The following CAMKMT variants were observed in gnomAD, a reference collection of about 807,000 sequenced individuals.
CAMKMT encodes the protein CaM KMT.
CAMKMT carries 53 observed loss-of-function variants against 48.0 expected under a neutral mutation model. That is an observed-to-expected ratio of 1.10 (90% CI 0.89 to 1.39). The LOEUF is 1.39. Among genes scored for constraint, CAMKMT ranks in the 40% most tolerant of loss-of-function variants. The pLI, the probability that CAMKMT is intolerant of heterozygous loss-of-function variation, is 0.00. For synonymous variants in CAMKMT, 165 were observed against 152.3 expected, an observed-to-expected ratio of 1.08 and a Z score of -0.61; for missense variants, 428 against 402.7, an observed-to-expected ratio of 1.06 and a Z score of -0.54.
At chr2:44,632,474 A>T (rs1672890990) in intron 3 of CAMKMT, among the ~76,000 whole-genome samples, 2 of 152,196 alleles carry the variant, frequency 1.3e-5, no homozygotes, top group African/African-American at 4.8e-5. Flanking sequence ...ATAGATAGTA[A>T]AGTTGTGACA....
chr2:44,753,351 C>G (rs1399665227), intron 8 of CAMKMT, among the ~76,000 whole-genome samples: 1 of 149,368 alleles, frequency 6.7e-6, no homozygotes, highest in African/African-American at 2.5e-5. Context: ...TGCTTGAGCC[C>G]TGGCATTTGA....
chr2:44,754,057 T>A lies in CAMKMT; in HGVS notation c.701T>A (p.Leu234Gln). ...HFDIVMCADC[L>Q]FLDQYRASLV... Reference sequence around the variant, plus strand: ...TTCTGCTCTCTTCTCAATGTCAGCCTGTTTCTGGACCAGTACAGAGCCAGC... The same window carrying A: ...TTCTGCTCTCTTCTCAATGTCAGCCAGTTTCTGGACCAGTACAGAGCCAGC... The change falls in exon 9 of 11, where the codon CTG (leucine) becomes CAG (glutamine). Residue 234 changes from leucine to glutamine, a missense_variant and splice_region_variant. Transcript: ENST00000378494. 6.2e-7 allele frequency: 1 copy of A among 1,613,434 alleles called. No homozygotes were observed.
intron 2 of CAMKMT, among the ~76,000 whole-genome samples, chr2:44,375,024 A>G (rs1358746989): frequency 6.6e-6 from 1 of 152,152 alleles, no homozygotes; most frequent in Non-Finnish European, 1.5e-5. Flanking sequence ...CCAGGCACTC[A>G]GGAGGCTGAG....
chr2:44,436,747 T>C (rs1666286056), intron 3 of CAMKMT, among the ~76,000 whole-genome samples: 1 of 152,098 alleles, frequency 6.6e-6, no homozygotes, highest in Non-Finnish European at 1.5e-5. Context: ...GTGATTACAG[T>C]CAACAATAAA....
At chr2:44,647,461 A>G (rs1673796781) in intron 3 of CAMKMT, among the ~76,000 whole-genome samples, 1 of 152,204 alleles carries the variant, frequency 6.6e-6, no homozygotes, top group South Asian at 2.1e-4. Flanking sequence ...GTCACTGATC[A>G]TGATGCGCAT....
chr2:44,415,029 G>A (rs1683457664), intron 3 of CAMKMT, among the ~76,000 whole-genome samples: 1 of 152,176 alleles, frequency 6.6e-6, no homozygotes, highest in Admixed American at 6.5e-5. Flanking sequence ...CGGTGTGCCT[G>A]TAGTCCTAGC....
At chr2:44,422,159 T>G (rs935563537) in intron 3 of CAMKMT, among the ~76,000 whole-genome samples, 1 of 152,160 alleles carries the variant, frequency 6.6e-6, no homozygotes, top group African/African-American at 2.4e-5. Flanking sequence ...TAGTGAGTAC[T>G]TACAGAATCT....
At chr2:44,462,492 G>A (rs1667899305) in intron 3 of CAMKMT, among the ~76,000 whole-genome samples, 1 of 151,690 alleles carries the variant, frequency 6.6e-6, no homozygotes. Flanking sequence ...TCTGTTGTTT[G>A]GATTTATGAT....
At chr2:44,703,401 T>C (rs1346219055) in intron 3 of CAMKMT, among the ~76,000 whole-genome samples, 1 of 152,148 alleles carries the variant, frequency 6.6e-6, no homozygotes, top group African/African-American at 2.4e-5. Flanking sequence ...GGTAGAATTA[T>C]TGTTAAATTT....
At chr2:44,517,963 T>C (rs1487209128) in intron 3 of CAMKMT, among the ~76,000 whole-genome samples, 1 of 152,218 alleles carries the variant, frequency 6.6e-6, no homozygotes, top group African/African-American at 2.4e-5. Flanking sequence ...ATTTTGCTTT[T>C]CTTGGGGAAA....
chr2:44,515,866 A>G (rs1368898717), intron 3 of CAMKMT, among the ~76,000 whole-genome samples: 1 of 152,182 alleles, frequency 6.6e-6, no homozygotes, highest in African/African-American at 2.4e-5. Flanking sequence ...CCCTTTACCT[A>G]TTTTTAGTCT....
intron 3 of CAMKMT, among the ~76,000 whole-genome samples, chr2:44,531,998 A>T (rs934345275): frequency 2.0e-4 from 31 of 152,196 alleles, no homozygotes; most frequent in African/African-American, 7.5e-4. Flanking sequence ...ATATCCTAGT[A>T]ATTGAGGATT....
rs750107198 is a variant in CAMKMT, at chr2:44,372,791, T to G, written c.214T>G (p.Ser72Ala). Residue 72 changes from serine (S) to alanine (A), a missense_variant, in exon 2 of 11, where the codon TCA (serine) becomes GCA (alanine). Coordinates refer to ENST00000378494, the MANE Select transcript of CAMKMT (RefSeq NM_024766.5). ...AAGATTTGAATCATTTAATCTGTTT[T>G]CAGTAACAGAAGGCAAAGAAAGGGA... ...VRRFESFNLF[S>A]VTEGKERETE... is the part of the protein sequence containing the mutation. 6.2e-7 allele frequency: 1 copy of G among 1,613,926 alleles called. No homozygotes were observed. The highest frequency in any genetic ancestry group is 8.5e-7 in the Non-Finnish European group (1 of 1,179,888).
chr2:44,723,729 A>G (rs1335337848), intron 7 of CAMKMT: 2 of 152,104 alleles, frequency 1.3e-5, no homozygotes, highest in Non-Finnish European at 2.9e-5. Context: ...TATTTCGTAG[A>G]TGTTATGCAC....
At chr2:44,583,849 G>T (rs1336657956) in intron 3 of CAMKMT, among the ~76,000 whole-genome samples, 2 of 152,096 alleles carry the variant, frequency 1.3e-5, no homozygotes, top group African/African-American at 4.8e-5. Flanking sequence ...AAAATAAAAT[G>T]CACACATTGC....
At chr2:44,594,970 C>T (rs1432093687) in intron 3 of CAMKMT, among the ~76,000 whole-genome samples, 2 of 152,110 alleles carry the variant, frequency 1.3e-5, no homozygotes, top group Admixed American at 1.3e-4. Flanking sequence ...AAGAAAAAAA[C>T]AACCCCATCA....
At chr2:44,542,552 CTCTCTT>C (rs147998954) in intron 3 of CAMKMT, among the ~76,000 whole-genome samples, 58,490 of 148,048 alleles carry the variant, frequency 0.4, 13,204 homozygotes, top group Non-Finnish European at 0.52. Context: ...CTCTCTCTCT[CTCTCTT>C]TCTCTCTCCA....
At chr2:44,544,010 T>C (rs906923586) in intron 3 of CAMKMT, among the ~76,000 whole-genome samples, 12 of 152,150 alleles carry the variant, frequency 7.9e-5, no homozygotes, top group African/African-American at 2.4e-4. Context: ...GTTTATGAGA[T>C]TCCATACACT....
intron 3 of CAMKMT, among the ~76,000 whole-genome samples, chr2:44,523,265 G>C (rs548719116): frequency 6.6e-6 from 1 of 151,524 alleles, no homozygotes; most frequent in Admixed American, 6.6e-5. Flanking sequence ...TGATGTCTTG[G>C]GCTTCTGCTG....
Sources: allele counts gnomAD v4.1 joint callset (sites outside exome capture counted in the v4.1 genomes callset), GRCh38; gene constraint gnomAD v4.1.1; transcripts MANE v1.5; gene names NCBI Gene and HGNC (gene_info 2026-07-23, HGNC 2026-07-21).